Variants in ATP9A observed in about 807,000 individuals in gnomAD.
ATP9A encodes the protein probable phospholipid-transporting ATPase IIA.
Under a neutral mutation model 144.1 loss-of-function variants are expected in ATP9A, and 52 were observed. The observed-to-expected ratio is 0.36, with a 90% confidence interval of 0.29 to 0.45. The LOEUF (loss-of-function observed/expected upper bound fraction) is 0.45, where lower values mean the gene tolerates loss of function less well. Ranked by LOEUF, ATP9A falls within the 20% of genes least tolerant of loss-of-function variation. ATP9A has a pLI of 1.00. For missense variants in ATP9A, 947 were observed against 1,392.7 expected (o/e 0.68, Z 5.09); for synonymous variants, 582 against 557.4 (o/e 1.04, Z -0.62).
intron 9 of ATP9A, among the ~76,000 whole-genome samples, chr20:51,679,816 T>C (rs939947667): frequency 2.0e-5 from 3 of 152,190 alleles, no homozygotes; most frequent in African/African-American, 7.2e-5. Flanking sequence ...ACAAAATAAA[T>C]GCTGAACCCG....
At chr20:51,634,265 G>A (rs543100587) in intron 15 of ATP9A, among the ~76,000 whole-genome samples, 1 of 152,188 alleles carries the variant, frequency 6.6e-6, no homozygotes, top group Non-Finnish European at 1.5e-5. Flanking sequence ...ACAGCCCTAC[G>A]TCTTGAACAA....
intron 1 of ATP9A, among the ~76,000 whole-genome samples, chr20:51,742,572 T>A (rs1306517212): frequency 3.3e-5 from 5 of 152,054 alleles, no homozygotes. Flanking sequence ...TGGAGTGCAG[T>A]GGCGCGATCT....
intron 9 of ATP9A, 136 bp downstream of exon 9, chr20:51,688,928 T>C: frequency 1.0e-6 from 1 of 971,560 alleles, no homozygotes; most frequent in Non-Finnish European, 1.6e-6. Flanking sequence ...TTTAATTCCC[T>C]GGAGGTGTCG....
chr20:51,732,067 C>T (rs77176176), intron 1 of ATP9A, among the ~76,000 whole-genome samples: 35,272 of 151,902 alleles, frequency 0.23, 4,373 homozygotes, highest in Non-Finnish European at 0.26. Context: ...CCCAAGAGGA[C>T]AGCTCATTGG....
At position 51,745,685 on chromosome 20, in the gene ATP9A, C is replaced by T. The variant is rs574686920; in HGVS notation, c.69-15707G>A. Among the ~76,000 whole-genome samples, 8 of 152,220 alleles carry T rather than the reference C, an allele frequency of 5.3e-5. No homozygotes were observed. The East Asian group carries it at 1.2e-3, about 22-fold the overall frequency. On this transcript the variant is annotated intron_variant, in intron 1 of 27. Coordinates refer to ENST00000338821, the MANE Select transcript of ATP9A (RefSeq NM_006045.3). The stretch of plus-strand genomic sequence containing the variant: ...CTGGCCCCAAATGTCAATAGTCCTG[C>T]GGTGGAGAGCCCTGCTCTGGAGCAG...
At chr20:51,742,295 A>C (rs1406586245) in intron 1 of ATP9A, among the ~76,000 whole-genome samples, 1 of 150,588 alleles carries the variant, frequency 6.6e-6, no homozygotes, top group Non-Finnish European at 1.5e-5. Flanking sequence ...ACTGTACTGC[A>C]GTCTAGGGGA....
rs1271131736 is a variant in ATP9A at position 51,699,079 on chromosome 20, C to T, written c.437-1597G>A. 3.9e-5 allele frequency among the ~76,000 whole-genome samples: 6 copies of T among 152,098 alleles called. No individual in the cohort carries two copies. In the East Asian group the frequency reaches 7.7e-4, roughly 20 times the overall value. On this transcript the variant is annotated intron_variant, in intron 4 of 27. Transcript: ENST00000338821. ...ATAGGCCGGGCACCACAGTGGCTCACGTCTGTAATCCCAGTACTTTGGGAG... is the reference window on the plus strand; with the variant it reads ...ATAGGCCGGGCACCACAGTGGCTCATGTCTGTAATCCCAGTACTTTGGGAG...
intron 4 of ATP9A, among the ~76,000 whole-genome samples, chr20:51,699,069 C>T (rs560535001): frequency 6.2e-4 from 95 of 152,246 alleles, no homozygotes; most frequent in Non-Finnish European, 1.2e-3. Flanking sequence ...CCGGGCACCA[C>T]AGTGGCTCAC....
At chr20:51,750,811 A>C (rs6096559) in intron 1 of ATP9A, among the ~76,000 whole-genome samples, 34,577 of 152,010 alleles carry the variant, frequency 0.23, 4,345 homozygotes, top group Non-Finnish European at 0.28. Flanking sequence ...GCCACCTCTC[A>C]ATTGTCTAGA....
chr20:51,618,702 G>A lies in ATP9A; in HGVS notation c.2310C>T (p.Arg770=), dbSNP rs771485793. 1 of 1,613,536 alleles carries A rather than the reference G, an allele frequency of 6.2e-7. No individual in the cohort carries two copies. The highest frequency in any genetic ancestry group is 1.7e-5 in the Admixed American group (1 of 59,988). ...CAPTQKAQIV[R]LLQERTGKLT... Reference sequence around the variant, plus strand: ...GCTTGCCCGTGCGCTCCTGAAGCAGGCGCACGATCTGGGCCTTCTGGGTGG... The same window carrying A: ...GCTTGCCCGTGCGCTCCTGAAGCAGACGCACGATCTGGGCCTTCTGGGTGG... The change falls in exon 21 of 28, where the codon CGC becomes CGT. Residue 770 remains arginine (R), a synonymous_variant. Coordinates refer to ENST00000338821, the MANE Select transcript of ATP9A (RefSeq NM_006045.3).
intron 19 of ATP9A, among the ~76,000 whole-genome samples, chr20:51,619,576 AG>A (rs61359027): frequency 0.51 from 43,511 of 85,948 alleles, 7,735 homozygotes; most frequent in South Asian, 0.58. Flanking sequence ...AAAAAAAAAA[AG>A]GGGGGGGGGG....
intron 9 of ATP9A, among the ~76,000 whole-genome samples, chr20:51,685,418 T>A (rs115231375): frequency 1.3e-5 from 2 of 151,694 alleles, no homozygotes; most frequent in African/African-American, 4.9e-5. Flanking sequence ...AAAAGTTAGC[T>A]GGGCGTGTTG....
At chr20:51,763,592 A>AATGAGCC (rs999930567) in intron 1 of ATP9A, among the ~76,000 whole-genome samples, 1 of 152,056 alleles carries the variant, frequency 6.6e-6, no homozygotes, top group Admixed American at 6.6e-5. Flanking sequence ...GGATTACAGG[A>AATGAGCC]ATGAGCCACC....
chr20:51,620,228 G>A lies in ATP9A; in HGVS notation c.2116-1185C>T, dbSNP rs185638106. ...GCAGTCGTACACCATATGCAAACGA[G>A]CCGGTCTGTCTACACTCCAATAAAA... On this transcript the variant is annotated intron_variant, in intron 19 of 27. Coordinates refer to ENST00000338821, the MANE Select transcript of ATP9A (RefSeq NM_006045.3). 2.0e-5 allele frequency among the ~76,000 whole-genome samples: 3 copies of A among 152,304 alleles called. No homozygotes were observed. In the East Asian group the frequency reaches 5.8e-4, roughly 29 times the overall value.
chr20:51,711,387 C>T (rs975200634), intron 4 of ATP9A, among the ~76,000 whole-genome samples: 2 of 152,222 alleles, frequency 1.3e-5, no homozygotes, highest in East Asian at 1.9e-4. Flanking sequence ...CTGAAAACCC[C>T]GAAGGAACCA....
At chr20:51,684,603 G>A (rs1181761496) in intron 9 of ATP9A, among the ~76,000 whole-genome samples, 1 of 151,046 alleles carries the variant, frequency 6.6e-6, no homozygotes, top group African/African-American at 2.4e-5. Flanking sequence ...GGCTGAGGCA[G>A]GAGAATGGCG....
intron 22 of ATP9A, among the ~76,000 whole-genome samples, chr20:51,615,817 G>A (rs576983152): frequency 1.8e-4 from 27 of 152,270 alleles, no homozygotes; most frequent in Non-Finnish European, 2.6e-4. Context: ...TGTATTTTTA[G>A]TAGAGACGGG....
At chr20:51,748,329 G>A (rs1030538503) in intron 1 of ATP9A, among the ~76,000 whole-genome samples, 2 of 152,092 alleles carry the variant, frequency 1.3e-5, no homozygotes, top group Non-Finnish European at 2.9e-5. Context: ...GAAGGAGGTG[G>A]AGAAGGAAAG....
chr20:51,690,105 G>T (rs1380350331), intron 8 of ATP9A, among the ~76,000 whole-genome samples: 1 of 77,454 alleles, frequency 1.3e-5, no homozygotes, highest in African/African-American at 5.5e-5. Context: ...GAAGGAGACC[G>T]TCTCAAAAAA....
Sources: gnomAD v4.1 joint callset for allele counts (sites outside exome capture counted in the v4.1 genomes callset) on GRCh38, gnomAD v4.1.1 for gene constraint, MANE v1.5 for transcripts, NCBI Gene and HGNC (gene_info 2026-07-23, HGNC 2026-07-21) for gene names.